Variants in MRC1 observed in about 807,000 individuals in gnomAD.
The protein encoded by MRC1 is macrophage mannose receptor 1.
A neutral mutation model predicts 102.9 loss-of-function variants in MRC1; 62 were observed. The observed-to-expected ratio is 0.60, with a 90% CI of 0.49 to 0.74. The LOEUF is 0.74. Among genes scored for constraint, MRC1 ranks in the 30% least tolerant of loss-of-function variants. MRC1 has a pLI of 0.00. For missense variants in MRC1, 1,237 were observed against 862.8 expected, an observed-to-expected ratio of 1.43 and a Z score of -5.43; for synonymous variants, 457 against 298.4, an observed-to-expected ratio of 1.53 and a Z score of -5.48.
At chr10:17,849,459 T>C (rs1421548056) in intron 6 of MRC1, 120 bp from the exon 7 acceptor site, 1 of 628,174 alleles carries the variant, frequency 1.6e-6, no homozygotes, top group Non-Finnish European at 2.9e-6. Context: ...AACTAAATGT[T>C]ACCTTTATTT....
intron 12 of MRC1, among the ~76,000 whole-genome samples, chr10:17,869,058 C>T (rs1833318788): frequency 6.6e-6 from 1 of 152,086 alleles, no homozygotes; most frequent in Non-Finnish European, 1.5e-5. Flanking sequence ...TTACCCAGAG[C>T]AGAGAAGGGT....
intron 1 of MRC1, among the ~76,000 whole-genome samples, chr10:17,822,503 C>T (rs1838411339): frequency 6.6e-6 from 1 of 152,112 alleles, no homozygotes; most frequent in Non-Finnish European, 1.5e-5. Flanking sequence ...AGCCTGTAGT[C>T]CCAGCTACTT....
intron 8 of MRC1, among the ~76,000 whole-genome samples, chr10:17,854,180 A>G (rs1833043330): frequency 6.6e-6 from 1 of 152,164 alleles, no homozygotes; most frequent in Admixed American, 6.6e-5. Context: ...TTGAACTCCT[A>G]AGCTCAAGCG....
chr10:17,824,302 T>G (rs1360999661), intron 2 of MRC1, among the ~76,000 whole-genome samples: 4 of 152,224 alleles, frequency 2.6e-5, no homozygotes, highest in African/African-American at 9.6e-5. Context: ...CATTTTAGGT[T>G]TGGATACTTC....
At chr10:17,907,818 C>T in intron 28 of MRC1, 120 bp downstream of exon 28, 1 of 721,270 alleles carries the variant, frequency 1.4e-6, no homozygotes, top group South Asian at 1.6e-5. Flanking sequence ...GTCCTTTCAT[C>T]CGTGAAAAAT....
chr10:17,907,779 A>T (rs1833915545), intron 28 of MRC1, 81 bp downstream of exon 28: 1 of 762,678 alleles, frequency 1.3e-6, no homozygotes, highest in African/African-American at 1.7e-5. Flanking sequence ...ATGGAATCAT[A>T]ATGTGATTAC....
Position 17,814,747 on chromosome 10 carries a change from G to A in MRC1, c.61+5221G>A, listed in dbSNP as rs978331167. ...GTCGCCCAGGCTGGAGTGCAGTGGC[G>A]CCATCTCGGCTCACCGCAACCTCTG... On this transcript the variant is annotated intron_variant, in intron 1 of 29. Coordinates refer to ENST00000569591, the MANE Select transcript of MRC1 (RefSeq NM_002438.4). Among the ~76,000 whole-genome samples, 4 of 138,020 alleles carry A rather than the reference G, an allele frequency of 2.9e-5. No individual in the cohort carries two copies. In the East Asian group the frequency reaches 6.7e-4, roughly 23 times the overall value. The allele number at this position is 138,020 out of a possible 152,430, so 90.5% of individuals were successfully genotyped here.
chr10:17,823,568 C>T (rs914741185), intron 2 of MRC1, 93 bp downstream of exon 2: 25 of 768,406 alleles, frequency 3.3e-5, no homozygotes, highest in African/African-American at 1.9e-4. Flanking sequence ...TCTTGTTTGG[C>T]GTGTACTAGA....
chr10:17,867,361 TCTC>T (rs1162508616), intron 12 of MRC1, among the ~76,000 whole-genome samples: 6 of 104,434 alleles, frequency 5.7e-5, no homozygotes, highest in East Asian at 6.8e-4. Flanking sequence ...TTCTTCTCCT[TCTC>T]CTTCTTCTTC....
chr10:17,866,688 A>C lies in MRC1; in HGVS notation c.1910A>C (p.Lys637Thr), dbSNP rs1833272913. Residue 637 changes from lysine (K) to threonine (T), a missense_variant, in exon 12 of 30, where the codon AAG (lysine) becomes ACG (threonine). Physicochemically the swap from Lys to Thr is moderately conservative, Grantham distance 78 (BLOSUM62 -1). Coordinates refer to ENST00000569591, the MANE Select transcript of MRC1 (RefSeq NM_002438.4). ...GCAGAAGGAGTAACCCACCCACCGA[A>C]GCCCACGACGACTCCCGAACCCAAA... ...HWAEGVTHPP[K>T]PTTTPEPKCP... The C allele has an allele frequency of 1.3e-6, 1 of 780,748 alleles. No homozygotes were observed. Among genetic ancestry groups the C allele is most frequent in the South Asian group, 1.3e-5 (1 of 74,620 alleles). The allele number at this position is 780,748 out of a possible 1,614,324, so 48.4% of individuals were successfully genotyped here. A position where few individuals can be genotyped will look rare whatever the true frequency, so the allele number is the denominator to read the frequency against.
chr10:17,840,795 A>G lies in MRC1; in HGVS notation c.905A>G (p.Asn302Ser), dbSNP rs1589172366. The change falls in exon 5 of 30, where the codon AAC (asparagine) becomes AGC (serine). Residue 302 changes from asparagine to serine, a missense_variant. Transcript: ENST00000569591. Reference sequence around the variant, plus strand: ...GACCGCAGTCCTTTCCGATATTTGAACTGGTTACCAGGTAGGGTTAAGCCT... The same window carrying G: ...GACCGCAGTCCTTTCCGATATTTGAGCTGGTTACCAGGTAGGGTTAAGCCT... ...WSDRSPFRYLNWLPGSPSAEP... is the reference protein window; with the variant it reads ...WSDRSPFRYLSWLPGSPSAEP... The G allele has an allele frequency of 1.3e-6, 1 of 780,852 alleles. No individual in the cohort carries two copies. The highest frequency in any genetic ancestry group is 2.4e-6 in the Non-Finnish European group (1 of 417,956). 48.4% of individuals were successfully genotyped at this position (780,852 alleles called of 1,614,324 possible).
chr10:17,869,580 A>G (rs1378093267), intron 12 of MRC1, among the ~76,000 whole-genome samples: 1 of 152,232 alleles, frequency 6.6e-6, no homozygotes, highest in Non-Finnish European at 1.5e-5. Context: ...GCATTTCACT[A>G]TTCTCTGCAG....
chr10:17,844,300 C>T (rs1416932822), intron 5 of MRC1, among the ~76,000 whole-genome samples: 9 of 152,110 alleles, frequency 5.9e-5, no homozygotes, highest in African/African-American at 2.2e-4. Flanking sequence ...CTCACTGCAA[C>T]CTCTGCCTCC....
intron 14 of MRC1, among the ~76,000 whole-genome samples, 193 bp from the exon 15 acceptor site, chr10:17,871,789 C>G (rs1833358378): frequency 6.6e-6 from 1 of 152,104 alleles, no homozygotes; most frequent in Non-Finnish European, 1.5e-5. Flanking sequence ...TTCAACATCA[C>G]AAGGTTCCAT....
Position 17,827,551 on chromosome 10 carries a change from C to G in MRC1, c.473C>G (p.Thr158Arg). The stretch of plus-strand genomic sequence containing the variant: ...CAATATGTTTTTCCAGCCATGTATA[C>G]GCTACTAGGCAATGCCAATGGAGCA... The part of the protein sequence containing the change: ...LCSRGYEAMY[T>R]LLGNANGATC... The change falls in exon 3 of 30, where the codon ACG (threonine) becomes AGG (arginine). Residue 158 changes from threonine to arginine, a missense_variant. Transcript: ENST00000569591. 1.3e-6 allele frequency: 1 copy of G among 780,780 alleles called. No individual in the cohort carries two copies. Among genetic ancestry groups the G allele is most frequent in the Non-Finnish European group, 2.4e-6 (1 of 417,952 alleles). 48.4% of individuals were successfully genotyped at this position (780,780 alleles called of 1,614,324 possible).
chr10:17,883,780 G>A (rs967247847), intron 21 of MRC1, among the ~76,000 whole-genome samples: 2 of 152,208 alleles, frequency 1.3e-5, no homozygotes, highest in Non-Finnish European at 2.9e-5. Context: ...AATGACTCAG[G>A]TGGTGGTGTT....
intron 3 of MRC1, 130 bp from the exon 4 acceptor site, chr10:17,833,545 G>T (rs1838613835): frequency 1.4e-6 from 1 of 707,484 alleles, no homozygotes; most frequent in African/African-American, 1.8e-5. Flanking sequence ...AAAGTAGAAA[G>T]GGGGAAAAAA....
chr10:17,847,635 C>T (rs1470856454), intron 6 of MRC1, among the ~76,000 whole-genome samples: 2 of 152,246 alleles, frequency 1.3e-5, no homozygotes, highest in Non-Finnish European at 2.9e-5. Context: ...ATCCTCAGGT[C>T]TCTAGGGCTG....
At chr10:17,900,525 A>C (rs1246086798) in intron 24 of MRC1, among the ~76,000 whole-genome samples, 4 of 152,108 alleles carry the variant, frequency 2.6e-5, no homozygotes, top group African/African-American at 7.2e-5. Context: ...ATAAGAGATA[A>C]ATTTTTTTTT....
Sources: allele counts gnomAD v4.1 joint callset (sites outside exome capture counted in the v4.1 genomes callset), GRCh38; gene constraint gnomAD v4.1.1; transcripts MANE v1.5; gene names NCBI Gene and HGNC (gene_info 2026-07-23, HGNC 2026-07-21).